The following MECOM variants were observed in gnomAD, a reference collection of about 807,000 sequenced individuals.
The protein encoded by MECOM is MDS1 and EVI1 complex locus, also known as histone-lysine N-methyltransferase MECOM.
Under a neutral mutation model 116.3 loss-of-function variants are expected in MECOM, and 13 were observed. That is an observed-to-expected ratio of 0.11 (90% CI 0.07 to 0.18). The LOEUF is 0.18. MECOM is among the 10% of genes least tolerant of loss of function. The probability of loss-of-function intolerance (pLI) is 1.00; values close to 1 mark genes in which losing one functional copy is unlikely to be tolerated. For synonymous variants in MECOM, 528 were observed against 535.2 expected, an observed-to-expected ratio of 0.99 and a Z score of 0.19; for missense variants, 1,299 against 1,509.0, an observed-to-expected ratio of 0.86 and a Z score of 2.31.
At chr3:169,574,826 T>TA (rs79191103) in intron 1 of MECOM, among the ~76,000 whole-genome samples, 3,326 of 128,956 alleles carry the variant, frequency 0.026, 46 homozygotes, top group African/African-American at 0.045. Flanking sequence ...CCTGTATTTA[T>TA]AAAAAAAAAA....
At chr3:169,466,288 T>G (rs569036929) in intron 1 of MECOM, among the ~76,000 whole-genome samples, 39 of 152,276 alleles carry the variant, frequency 2.6e-4, no homozygotes, top group African/African-American at 7.5e-4. Flanking sequence ...CAAAGAAGCC[T>G]TGGTACACAC....
intron 2 of MECOM, among the ~76,000 whole-genome samples, chr3:169,313,402 G>A (rs1719157443): frequency 2.0e-5 from 3 of 152,244 alleles, no homozygotes; most frequent in African/African-American, 7.2e-5. Context: ...ATAGCACAGT[G>A]TGTTCATACA....
At chr3:169,582,236 G>A (rs532188060) in intron 1 of MECOM, among the ~76,000 whole-genome samples, 1 of 152,118 alleles carries the variant, frequency 6.6e-6, no homozygotes, top group South Asian at 2.1e-4. Context: ...AAAATATCAA[G>A]CGAGAGTAGA....
At chr3:169,262,878 T>C (rs1023456883) in intron 2 of MECOM, among the ~76,000 whole-genome samples, 12 of 151,444 alleles carry the variant, frequency 7.9e-5, no homozygotes, top group African/African-American at 2.9e-4. Context: ...AGGAGTTACA[T>C]TAAAGATGCC....
At chr3:169,432,319 C>T (rs1244695101) in intron 1 of MECOM, among the ~76,000 whole-genome samples, 2 of 152,030 alleles carry the variant, frequency 1.3e-5, no homozygotes, top group Non-Finnish European at 2.9e-5. Context: ...CCATCACACT[C>T]GGCTACTTTT....
In MECOM at chr3:169,268,458, A is replaced by G. The variant is rs367783460; in HGVS notation, c.375+112729T>C. Among the ~76,000 whole-genome samples, 3 of 152,302 alleles carry G rather than the reference A, an allele frequency of 2.0e-5. No homozygotes were observed. The South Asian group carries it at 6.2e-4, about 32-fold the overall frequency. ...AGCAGTCCCTTCTTATAAGCCTCCA[A>G]TGATGCTATCTTCTTGTACTTTAGT... On this transcript the variant is annotated intron_variant, in intron 2 of 16. Transcript: ENST00000651503.
rs556268137 is a variant in MECOM, at chr3:169,275,970, T to C, written c.375+105217A>G. Among the ~76,000 whole-genome samples, 6 of 152,328 alleles carry C rather than the reference T, an allele frequency of 3.9e-5. No individual in the cohort carries two copies. In the South Asian group the frequency reaches 1.2e-3, roughly 32 times the overall value. On this transcript the variant is annotated intron_variant, in intron 2 of 16. Transcript: ENST00000651503. ...TAAAACTAGGGAATGCTCACTGGCA[T>C]ATTTACTTCTTGTGGATTCTAAGGT... is the stretch of plus-strand genomic sequence containing the variant.
At chr3:169,268,791 C>T (rs754842597) in intron 2 of MECOM, among the ~76,000 whole-genome samples, 5 of 152,140 alleles carry the variant, frequency 3.3e-5, no homozygotes, top group East Asian at 1.9e-4. Flanking sequence ...TATTTCCTAT[C>T]GCACAACTCA....
chr3:169,585,858 A>C (rs1765715127), intron 1 of MECOM, among the ~76,000 whole-genome samples: 1 of 152,220 alleles, frequency 6.6e-6, no homozygotes, highest in African/African-American at 2.4e-5. Flanking sequence ...GCTATTTAGG[A>C]ATAACAAGTT....
At chr3:169,363,908 T>C (rs1249469533) in intron 2 of MECOM, among the ~76,000 whole-genome samples, 1 of 151,956 alleles carries the variant, frequency 6.6e-6, no homozygotes, top group East Asian at 1.9e-4. Context: ...TTTCTCCTCA[T>C]TAAACTGGAG....
intron 2 of MECOM, among the ~76,000 whole-genome samples, chr3:169,206,986 A>C (rs558904449): frequency 1.3e-5 from 2 of 152,304 alleles, no homozygotes; most frequent in African/African-American, 4.8e-5. Context: ...ATGACTTTAA[A>C]AGCAGTTTGA....
At chr3:169,472,740 AAG>A (rs1392149829) in intron 1 of MECOM, among the ~76,000 whole-genome samples, 14 of 148,202 alleles carry the variant, frequency 9.4e-5, no homozygotes, top group African/African-American at 3.2e-4. Context: ...GGAAGGAAGG[AAG>A]GAAGGAAGAA....
chr3:169,466,877 C>T (rs1345584091), intron 1 of MECOM, among the ~76,000 whole-genome samples: 1 of 152,198 alleles, frequency 6.6e-6, no homozygotes, highest in Non-Finnish European at 1.5e-5. Context: ...TAAACACTTA[C>T]TTAGGTGAAC....
chr3:169,628,690 G>A (rs1014897393), intron 1 of MECOM, among the ~76,000 whole-genome samples: 2 of 152,168 alleles, frequency 1.3e-5, no homozygotes, highest in Non-Finnish European at 1.5e-5. Flanking sequence ...CTGAAAAGGC[G>A]GTCCAGCAAT....
intron 2 of MECOM, among the ~76,000 whole-genome samples, chr3:169,219,798 T>C (rs1751895282): frequency 6.7e-6 from 1 of 149,518 alleles, no homozygotes; most frequent in Non-Finnish European, 1.5e-5. Flanking sequence ...ATTAGTTTGC[T>C]ATATATAATA....
At chr3:169,545,182 G>A (rs1760575318) in intron 1 of MECOM, among the ~76,000 whole-genome samples, 1 of 152,014 alleles carries the variant, frequency 6.6e-6, no homozygotes, top group Non-Finnish European at 1.5e-5. Flanking sequence ...ATTGGTTTTT[G>A]TTTTCTGTTT....
intron 1 of MECOM, among the ~76,000 whole-genome samples, chr3:169,656,087 C>A (rs977934589): frequency 6.6e-6 from 1 of 152,194 alleles, no homozygotes; most frequent in Non-Finnish European, 1.5e-5. Context: ...TTTGCCCGTG[C>A]ACAGGGCCTA....
intron 4 of MECOM, among the ~76,000 whole-genome samples, chr3:169,129,269 G>A (rs781392217): frequency 1.3e-5 from 2 of 151,984 alleles, no homozygotes; most frequent in East Asian, 3.9e-4. Context: ...AGTATGGTAG[G>A]TTCACAGAGC....
intron 1 of MECOM, among the ~76,000 whole-genome samples, chr3:169,646,389 C>T (rs1448390669): frequency 1.3e-5 from 2 of 151,634 alleles, no homozygotes; most frequent in Non-Finnish European, 2.9e-5. Flanking sequence ...GTGCAGCACA[C>T]CAACATGGCC....
Sources: gnomAD v4.1 joint callset for allele counts (sites outside exome capture counted in the v4.1 genomes callset) on GRCh38, gnomAD v4.1.1 for gene constraint, MANE v1.5 for transcripts, NCBI Gene and HGNC (gene_info 2026-07-23, HGNC 2026-07-21) for gene names.